The following GRM3 variants were observed in gnomAD, a reference collection of about 807,000 sequenced individuals.
The protein encoded by GRM3 is glutamate metabotropic receptor 3.
GRM3 carries 26 observed loss-of-function variants against 70.5 expected under a neutral mutation model. That is an observed-to-expected ratio of 0.37 (90% CI 0.27 to 0.51). The LOEUF (loss-of-function observed/expected upper bound fraction) is 0.51. Among genes scored for constraint, GRM3 ranks in the 20% least tolerant of loss-of-function variants. The pLI is 0.93. For synonymous variants in GRM3, 443 were observed against 434.9 expected, an observed-to-expected ratio of 1.02 and a Z score of -0.23; for missense variants, 859 against 1,123.8, an observed-to-expected ratio of 0.76 and a Z score of 3.37.
chr7:86,713,413 A>T (rs535067985), intron 1 of GRM3, among the ~76,000 whole-genome samples: 1 of 152,084 alleles, frequency 6.6e-6, no homozygotes, highest in South Asian at 2.1e-4. Flanking sequence ...AATTGTGTTC[A>T]ACTTTCAACC....
intron 1 of GRM3, among the ~76,000 whole-genome samples, chr7:86,695,425 A>T (rs1794793411): frequency 6.6e-6 from 1 of 152,152 alleles, no homozygotes; most frequent in Admixed American, 6.5e-5. Flanking sequence ...TAGTAACACC[A>T]ATATAGGGAA....
At chr7:86,854,847 A>G (rs148897795) in intron 5 of GRM3, among the ~76,000 whole-genome samples, 3 of 152,330 alleles carry the variant, frequency 2.0e-5, no homozygotes, top group African/African-American at 7.2e-5. Flanking sequence ...GCAGGGTTTC[A>G]GAGAGGGAGT....
intron 5 of GRM3, among the ~76,000 whole-genome samples, chr7:86,863,271 G>A (rs540478143): frequency 6.6e-6 from 1 of 152,226 alleles, no homozygotes; most frequent in Admixed American, 6.5e-5. Context: ...CAAGTTAATA[G>A]CTAAGAACTG....
intron 4 of GRM3, among the ~76,000 whole-genome samples, chr7:86,844,569 C>G (rs544655446): frequency 6.6e-6 from 1 of 151,846 alleles, no homozygotes; most frequent in African/African-American, 2.4e-5. Flanking sequence ...TAGAAAAAAT[C>G]AGGCTGCTGT....
At chr7:86,652,228 T>G (rs574409075) in intron 1 of GRM3, among the ~76,000 whole-genome samples, 2 of 14,866 alleles carry the variant, frequency 1.3e-4, no homozygotes, top group Admixed American at 2.1e-3. Flanking sequence ...CACCCTCTAC[T>G]TTTTTTTTCT....
At position 86,675,596 on chromosome 7, in the gene GRM3, G is replaced by A. The variant is rs371540057; in HGVS notation, c.-141+30724G>A. ...TTGGAGAGCTTGCAAATAGGGTTAG[G>A]AATGAAGGTGAACTATTGAAAGCAA... On this transcript the variant is annotated intron_variant, in intron 1 of 5. Transcript: ENST00000361669. 3.3e-5 allele frequency among the ~76,000 whole-genome samples: 5 copies of A among 152,122 alleles called. No homozygotes were observed. In the South Asian group the frequency reaches 1.0e-3, roughly 32 times the overall value.
intron 1 of GRM3, among the ~76,000 whole-genome samples, chr7:86,717,709 G>C (rs1398731993): frequency 6.6e-6 from 1 of 151,938 alleles, no homozygotes; most frequent in Non-Finnish European, 1.5e-5. Flanking sequence ...CGTGTTACTT[G>C]AAGACGTGAA....
chr7:86,723,611 C>T (rs1026594352), intron 1 of GRM3, among the ~76,000 whole-genome samples: 2 of 152,142 alleles, frequency 1.3e-5, no homozygotes, highest in Non-Finnish European at 2.9e-5. Flanking sequence ...ATTTGCAGCT[C>T]ATTGTGATGA....
chr7:86,744,982 A>T (rs1796069886), intron 1 of GRM3, among the ~76,000 whole-genome samples: 1 of 151,730 alleles, frequency 6.6e-6, no homozygotes, highest in South Asian at 2.1e-4. Flanking sequence ...TAGGTACCTT[A>T]GTTGTCTTGG....
intron 1 of GRM3, among the ~76,000 whole-genome samples, chr7:86,756,909 G>T (rs188395182): frequency 1.3e-5 from 2 of 152,052 alleles, no homozygotes; most frequent in East Asian, 3.9e-4. Context: ...TCTCTGATTG[G>T]ATTAGATTAT....
chr7:86,672,159 A>G (rs995606328), intron 1 of GRM3, among the ~76,000 whole-genome samples: 1 of 152,200 alleles, frequency 6.6e-6, no homozygotes, highest in African/African-American at 2.4e-5. Context: ...AGTCTAGTGT[A>G]GTGGGAAATC....
chr7:86,787,556 CAGAG>C (rs71117519), intron 3 of GRM3, among the ~76,000 whole-genome samples: 4 of 149,888 alleles, frequency 2.7e-5, no homozygotes, highest in Non-Finnish European at 3.0e-5. Flanking sequence ...CAGTGGGTGA[CAGAG>C]AGAGAGAGAG....
chr7:86,812,546 G>A (rs962697162), intron 3 of GRM3, among the ~76,000 whole-genome samples: 2 of 151,724 alleles, frequency 1.3e-5, no homozygotes, highest in African/African-American at 4.8e-5. Flanking sequence ...TATTACTCCT[G>A]AGACTTTTGT....
At chr7:86,716,697 AT>A (rs988674052) in intron 1 of GRM3, among the ~76,000 whole-genome samples, 2 of 148,762 alleles carry the variant, frequency 1.3e-5, no homozygotes, top group African/African-American at 4.9e-5. Context: ...AAAAAAAAAA[AT>A]AGTTTCTGCT....
chr7:86,847,109 C>A (rs1384762559), intron 4 of GRM3, among the ~76,000 whole-genome samples: 2 of 152,148 alleles, frequency 1.3e-5, no homozygotes, highest in Non-Finnish European at 1.5e-5. Flanking sequence ...GACTAGGGAA[C>A]CTGAATCTTT....
chr7:86,846,865 A>G lies in GRM3; in HGVS notation c.2392-3505A>G, dbSNP rs1452049144. On this transcript the variant is annotated intron_variant, in intron 4 of 5. Transcript: ENST00000361669. ...CTGTTGGCGTTTCTTCCTCATTGTC[A>G]AAACTGTCAAAGACTGTAGTGCCTG... Among the ~76,000 whole-genome samples, 5 of 152,170 alleles carry G rather than the reference A, an allele frequency of 3.3e-5. No individual in the cohort carries two copies. In the East Asian group the frequency reaches 9.6e-4, roughly 29 times the overall value.
At chr7:86,852,987 A>G (rs1414470128) in intron 5 of GRM3, among the ~76,000 whole-genome samples, 1 of 152,160 alleles carries the variant, frequency 6.6e-6, no homozygotes, top group East Asian at 1.9e-4. Flanking sequence ...CATATCAAGA[A>G]ATTTATTCAT....
At chr7:86,736,109 A>G (rs1372854256) in intron 1 of GRM3, among the ~76,000 whole-genome samples, 1 of 152,202 alleles carries the variant, frequency 6.6e-6, no homozygotes, top group South Asian at 2.1e-4. Context: ...TCTGTCTGAA[A>G]TGTACTAATA....
intron 5 of GRM3, 54 bp from the exon 6 acceptor site, chr7:86,864,228 C>T: frequency 3.4e-6 from 3 of 881,702 alleles, no homozygotes; most frequent in Admixed American, 1.7e-5. Context: ...CATGCTATTA[C>T]CTTTGTGTCC....
Sources: allele counts gnomAD v4.1 joint callset (sites outside exome capture counted in the v4.1 genomes callset), GRCh38; gene constraint gnomAD v4.1.1; transcripts MANE v1.5; gene names NCBI Gene and HGNC (gene_info 2026-07-23, HGNC 2026-07-21).